The following ATRN variants were observed in gnomAD, a reference collection of about 807,000 sequenced individuals.
ATRN encodes attractin-2.
In ATRN, 54 loss-of-function variants were observed where a neutral mutation model predicts 178.7. The ratio of observed to expected loss-of-function variants is 0.30; its 90% confidence interval spans 0.24 to 0.38. The LOEUF (loss-of-function observed/expected upper bound fraction) is 0.38, where lower values mean the gene tolerates loss of function less well. Ranked by LOEUF, ATRN falls within the 10% of genes least tolerant of loss-of-function variation. The pLI is 1.00. For synonymous variants in ATRN, 636 were observed against 663.0 expected (o/e 0.96, Z 0.63); for missense variants, 1,443 against 1,815.1 (o/e 0.79, Z 3.73).
At chr20:3,492,888 CACACACACAT>C (rs2084822046) in intron 1 of ATRN, among the ~76,000 whole-genome samples, 1 of 148,166 alleles carries the variant, frequency 6.7e-6, no homozygotes, top group Non-Finnish European at 1.5e-5. Context: ...CACACACACA[CACACACACAT>C]AACTAATATA....
chr20:3,491,149 GA>G (rs1022364402), intron 1 of ATRN: 22 of 514,758 alleles, frequency 4.3e-5, no homozygotes, highest in East Asian at 3.3e-4. Flanking sequence ...CTCTCTGGGG[GA>G]AAAAAATCAA....
Position 3,605,552 on chromosome 20 carries a change from A to G in ATRN, c.3801+1290A>G, listed in dbSNP as rs564725686. On this transcript the variant is annotated intron_variant, in intron 24 of 28. Transcript: ENST00000262919. ...TGGATAAAGAAAATGTGGTACATAT[A>G]CACCATGGAATACTATGCAGCCATA... Among the ~76,000 whole-genome samples, 282 of 152,366 alleles carry G rather than the reference A, an allele frequency of 1.9e-3. 1 individual carries two copies. Among genetic ancestry groups the G allele is most frequent in the African/African-American group, 6.6e-3 (273 of 41,582 alleles).
intron 5 of ATRN, among the ~76,000 whole-genome samples, chr20:3,548,234 C>T (rs2085736623): frequency 6.6e-6 from 1 of 152,126 alleles, no homozygotes; most frequent in African/African-American, 2.4e-5. Context: ...ACTTATTCCT[C>T]CATATCCACA....
chr20:3,478,650 G>A (rs990776671), intron 1 of ATRN, among the ~76,000 whole-genome samples: 2 of 152,148 alleles, frequency 1.3e-5, no homozygotes, highest in South Asian at 2.1e-4. Flanking sequence ...AAATCTGCAC[G>A]TTCTGCACAT....
intron 1 of ATRN, 86 bp from the exon 2 acceptor site, chr20:3,535,164 ATAT>A (rs977555976): frequency 6.5e-6 from 3 of 463,782 alleles, no homozygotes; most frequent in African/African-American, 2.2e-5. Flanking sequence ...GAATTAAGAA[ATAT>A]TAATATATGA....
rs1422410442 is a variant in ATRN at position 3,650,094 on chromosome 20, C to T, written c.*3247C>T. On this transcript the variant is annotated 3_prime_UTR_variant, in exon 29 of 29. Coordinates refer to ENST00000262919, the MANE Select transcript of ATRN (RefSeq NM_139321.3). Reference sequence around the variant, plus strand: ...CAGCAGAAGGAAAGTACTGGACTACCCGTGGGTAAGTCCTGCCATTCAAGA... The same window carrying T: ...CAGCAGAAGGAAAGTACTGGACTACTCGTGGGTAAGTCCTGCCATTCAAGA... 1 of 152,286 alleles carries T rather than the reference C, an allele frequency of 6.6e-6. No homozygotes were observed. The highest frequency in any genetic ancestry group is 1.5e-5 in the Non-Finnish European group (1 of 68,052). The allele number at this position is 152,286 out of a possible 1,614,324, so 9.4% of individuals were successfully genotyped here. A position where few individuals can be genotyped will look rare whatever the true frequency, so the allele number is the denominator to read the frequency against.
intron 24 of ATRN, among the ~76,000 whole-genome samples, chr20:3,618,828 TTGG>T (rs752080084): frequency 2.6e-5 from 3 of 116,796 alleles, no homozygotes; most frequent in African/African-American, 4.5e-5. Context: ...TGTATGAACT[TTGG>T]TGGTGGTGGT....
intron 1 of ATRN, among the ~76,000 whole-genome samples, chr20:3,507,879 T>C (rs2085069360): frequency 6.6e-6 from 1 of 151,700 alleles, no homozygotes; most frequent in Non-Finnish European, 1.5e-5. Context: ...ATACGAAAAT[T>C]AGTTTTAGCG....
At chr20:3,588,985 T>TTTG (rs2086398615) in intron 18 of ATRN, among the ~76,000 whole-genome samples, 1 of 133,248 alleles carries the variant, frequency 7.5e-6, no homozygotes, top group African/African-American at 2.9e-5. Context: ...TCTTTTGTTT[T>TTTG]TTTTTTTTTT....
At chr20:3,590,918 G>A (rs1361550959) in intron 18 of ATRN, among the ~76,000 whole-genome samples, 1 of 152,022 alleles carries the variant, frequency 6.6e-6, no homozygotes, top group East Asian at 1.9e-4. Flanking sequence ...ATTTTTTAGT[G>A]AATAACAACA....
intron 12 of ATRN, among the ~76,000 whole-genome samples, chr20:3,575,338 C>T (rs1225881729): frequency 2.6e-5 from 4 of 152,210 alleles, no homozygotes; most frequent in Non-Finnish European, 5.9e-5. Flanking sequence ...GACTTGCACT[C>T]TTGAATTTAC....
chr20:3,471,311 C>G lies in ATRN; in HGVS notation c.204C>G (p.Leu68=), dbSNP rs1363808562. ...RPRLLLLLLL[L]SPPLLLLLLP... ...GGCTGCTGCTGCTGCTGTTGTTGCTCTCGCCGCCGCTGCTGCTGCTGCTGC... is the reference window on the plus strand; with the variant it reads ...GGCTGCTGCTGCTGCTGTTGTTGCTGTCGCCGCCGCTGCTGCTGCTGCTGC... Residue 68 remains leucine (L), a synonymous_variant, in exon 1 of 29, where the codon CTC becomes CTG. Transcript: ENST00000262919. 2 of 1,481,962 alleles carry G rather than the reference C, an allele frequency of 1.3e-6. No homozygotes were observed. Among genetic ancestry groups the G allele is most frequent in the East Asian group, 2.9e-5 (1 of 34,724 alleles). 91.8% of individuals were successfully genotyped at this position (1,481,962 alleles called of 1,614,324 possible). A position where few individuals can be genotyped will look rare whatever the true frequency, so the allele number is the denominator to read the frequency against.
chr20:3,578,922 T>A, intron 15 of ATRN, 150 bp downstream of exon 15: 1 of 645,836 alleles, frequency 1.5e-6, no homozygotes, highest in Non-Finnish European at 2.5e-6. Context: ...GGACTGTGGG[T>A]TTGTGCTGTC....
intron 12 of ATRN, among the ~76,000 whole-genome samples, chr20:3,575,080 C>T (rs1460095351): frequency 3.9e-5 from 6 of 152,108 alleles, no homozygotes; most frequent in Admixed American, 3.9e-4. Context: ...TCTCCTGCCT[C>T]AGCCTCCTGA....
intron 1 of ATRN, among the ~76,000 whole-genome samples, chr20:3,488,180 A>G (rs1348425766): frequency 6.6e-6 from 1 of 152,054 alleles, no homozygotes; most frequent in Admixed American, 6.5e-5. Context: ...ATGATGTTAT[A>G]TTGCAGATTG....
Position 3,582,182 on chromosome 20 carries a change from G to A in ATRN, c.2592G>A (p.Val864=), listed in dbSNP as rs139528519. The A allele has an allele frequency of 2.2e-5, 36 of 1,614,060 alleles. No individual in the cohort carries two copies. The highest frequency in any genetic ancestry group is 2.9e-5 in the Non-Finnish European group (34 of 1,180,030). The change falls in exon 16 of 29, where the codon GTG becomes GTA. Residue 864 remains valine (V), a synonymous_variant. Transcript: ENST00000262919. ...TPWVGLRKIN[V]SYWCWEDMSP... is the part of the protein sequence containing the mutation. ...GGGTCGGCCTTCGGAAGATCAATGT[G>A]TCCTACTGGTGCTGGGAAGATATGT...
intron 9 of ATRN, among the ~76,000 whole-genome samples, chr20:3,562,864 T>A (rs1447704840): frequency 6.6e-6 from 1 of 152,216 alleles, no homozygotes; most frequent in African/African-American, 2.4e-5. Context: ...GCTGAGACTA[T>A]GCAGGTGAAA....
At chr20:3,537,632 G>A (rs2085556337) in intron 2 of ATRN, among the ~76,000 whole-genome samples, 1 of 150,378 alleles carries the variant, frequency 6.6e-6, no homozygotes, top group Non-Finnish European at 1.5e-5. Context: ...ATTTACATTA[G>A]GTATATCCCC....
intron 1 of ATRN, among the ~76,000 whole-genome samples, chr20:3,529,118 A>G (rs937292453): frequency 2.6e-5 from 4 of 152,102 alleles, no homozygotes; most frequent in African/African-American, 9.7e-5. Flanking sequence ...CCAGCCTCTG[A>G]AAATCTTTAA....
Sources: gnomAD v4.1 joint callset for allele counts (sites outside exome capture counted in the v4.1 genomes callset) on GRCh38, gnomAD v4.1.1 for gene constraint, MANE v1.5 for transcripts, NCBI Gene and HGNC (gene_info 2026-07-23, HGNC 2026-07-21) for gene names.